Variants in NCOA4 observed in about 807,000 individuals in gnomAD.
NCOA4 encodes the protein nuclear receptor coactivator 4.
NCOA4 carries 31 observed loss-of-function variants against 69.5 expected under a neutral mutation model. That is an observed-to-expected ratio of 0.45 (90% CI 0.34 to 0.60). The LOEUF (loss-of-function observed/expected upper bound fraction) is 0.60. Among genes scored for constraint, NCOA4 ranks in the 20% least tolerant of loss-of-function variants. The pLI, the probability that NCOA4 is intolerant of heterozygous loss-of-function variation, is 0.02. For missense variants in NCOA4, 600 were observed against 719.2 expected (o/e 0.83, Z 1.90); for synonymous variants, 228 against 252.4 (o/e 0.90, Z 0.92).
Position 46,027,605 on chromosome 10 carries a change from A to T in NCOA4, c.-15+2921T>A, listed in dbSNP as rs189234332. 2.2e-4 allele frequency: 180 copies of T among 819,006 alleles called. 2 individuals are homozygous for T. The African/African-American group carries it at 3.0e-3, about 14-fold the overall frequency. The allele number at this position is 819,006 out of a possible 1,614,324, so 50.7% of individuals were successfully genotyped here. The stretch of plus-strand genomic sequence containing the variant: ...ACTAAAAAGTAGCAAGAAGAGTAAT[A>T]AAAAATGCCATGGCCTTCTACAGTT... On this transcript the variant is annotated intron_variant, in intron 1 of 9. Coordinates refer to ENST00000581486, the MANE Select transcript of NCOA4 (RefSeq NM_001145263.2).
intron 8 of NCOA4, 93 bp downstream of exon 8, chr10:46,010,130 T>A: frequency 6.9e-7 from 1 of 1,441,870 alleles, no homozygotes; most frequent in South Asian, 1.4e-5. Context: ...ATCGCACCAC[T>A]GCACTCCAGC....
chr10:46,018,470 G>A (rs1311375162), intron 1 of NCOA4, among the ~76,000 whole-genome samples: 1 of 152,168 alleles, frequency 6.6e-6, no homozygotes, highest in Non-Finnish European at 1.5e-5. Flanking sequence ...TTTGTCACAG[G>A]ATTAGCCTGT....
At position 46,005,729 on chromosome 10, in the gene NCOA4, AT is replaced by A; in HGVS notation, c.*862del. The A allele has an allele frequency of 4.6e-6, 1 of 216,544 alleles. No homozygotes were observed. Among genetic ancestry groups the A allele is most frequent in the Non-Finnish European group, 9.3e-6 (1 of 107,224 alleles). The allele number at this position is 216,544 out of a possible 1,614,324, so 13.4% of individuals were successfully genotyped here. On this transcript the variant is annotated 3_prime_UTR_variant, in exon 10 of 10. Transcript: ENST00000581486. Reference sequence around the variant, plus strand: ...GCACCAGGTGTCAAGCTCAGCTTCCATTTACACAGGATGCACCAATTATCCC... The same window carrying A: ...GCACCAGGTGTCAAGCTCAGCTTCCATTACACAGGATGCACCAATTATCCC...
intron 7 of NCOA4, among the ~76,000 whole-genome samples, 172 bp downstream of exon 7, chr10:46,012,711 T>C (rs1197171988): frequency 1.3e-5 from 2 of 152,178 alleles, no homozygotes; most frequent in African/African-American, 4.8e-5. Context: ...TTTAAAATTT[T>C]CTATGATAAA....
At position 46,014,453 on chromosome 10, in the gene NCOA4, G is replaced by A. The variant is rs1839415876; in HGVS notation, c.471C>T (p.Leu157=). 1 of 1,607,862 alleles carries A rather than the reference G, an allele frequency of 6.2e-7. No individual in the cohort carries two copies. The highest frequency in any genetic ancestry group is 8.5e-7 in the Non-Finnish European group (1 of 1,174,436). ...LRQTITTFGS[L]KTIQIPEHLM... ...ATATGAGATTACTCACAATGGTTTTGAGAGACCCAAATGTGGTGATGGTCT... is the reference window on the plus strand; with the variant it reads ...ATATGAGATTACTCACAATGGTTTTAAGAGACCCAAATGTGGTGATGGTCT... The change falls in exon 5 of 10, where the codon CTC becomes CTT. Residue 157 remains leucine (L), a synonymous_variant. Transcript: ENST00000581486.
chr10:46,021,688 G>A (rs907097277), intron 1 of NCOA4, among the ~76,000 whole-genome samples: 1 of 152,258 alleles, frequency 6.6e-6, no homozygotes, highest in Non-Finnish European at 1.5e-5. Context: ...GGCCGGGCGC[G>A]GTGACTCACG....
chr10:46,013,443 A>T, intron 6 of NCOA4, 107 bp downstream of exon 6: 1 of 757,738 alleles, frequency 1.3e-6, no homozygotes, highest in Non-Finnish European at 2.2e-6. Context: ...ACTCATTGCC[A>T]CTGGTGCCTT....
At position 46,006,573 on chromosome 10, in the gene NCOA4, T is replaced by TG; in HGVS notation, c.*18_*19insC. 10 of 1,613,890 alleles carry TG rather than the reference T, an allele frequency of 6.2e-6. No homozygotes were observed. Among genetic ancestry groups the TG allele is most frequent in the Non-Finnish European group, 8.5e-6 (10 of 1,179,874 alleles). ...GTGTGATAATCAGCAGAAAGGCTGC[T>TG]CAACTCTTGTCCATTCCTTCACATC... On this transcript the variant is annotated 3_prime_UTR_variant, in exon 10 of 10. Coordinates refer to ENST00000581486, the MANE Select transcript of NCOA4 (RefSeq NM_001145263.2).
At chr10:46,009,044 G>T in intron 9 of NCOA4, 2 of 873,474 alleles carry the variant, frequency 2.3e-6, no homozygotes, top group Admixed American at 2.6e-5. Context: ...ACTTTTATAT[G>T]CAATGGGAAA....
intron 1 of NCOA4, among the ~76,000 whole-genome samples, chr10:46,017,158 G>T (rs1010753665): frequency 3.3e-5 from 5 of 152,162 alleles, no homozygotes; most frequent in Admixed American, 1.3e-4. Flanking sequence ...ACTTTGTTTA[G>T]AAGACGGAAT....
Position 46,006,616 on chromosome 10 carries a change from AGAT to A in NCOA4, c.1840-22_1840-20del. 1.2e-6 allele frequency: 2 copies of A among 1,613,926 alleles called. No homozygotes were observed. Among genetic ancestry groups the A allele is most frequent in the Non-Finnish European group, 8.5e-7 (1 of 1,179,796 alleles). ...TTCACATCTGTAAAGAGACACCCAC[AGAT>A]GATAAGTTACTTCAATGAAGAATAA... On this transcript the variant is annotated intron_variant, in intron 9 of 9. Coordinates refer to ENST00000581486, the MANE Select transcript of NCOA4 (RefSeq NM_001145263.2).
In NCOA4 at chr10:46,016,664, T is replaced by C. The variant is rs1839571289; in HGVS notation, c.17A>G (p.Asp6Gly). MNTFQDQSGSSSNREP... is the reference protein window; with the variant it reads MNTFQGQSGSSSNREP... ...TCTATTACTGGAGCTGCCACTCTGG[T>C]CTTGGAAGGTATTCATTCTCCTCAC... The change falls in exon 2 of 10, where the codon GAC becomes GGC. Residue 6 changes from aspartate (D) to glycine (G), a missense_variant. By Grantham distance (94) the Asp-to-Gly change is moderately conservative. Coordinates refer to ENST00000581486, the MANE Select transcript of NCOA4 (RefSeq NM_001145263.2). 2 of 1,509,042 alleles carry C rather than the reference T, an allele frequency of 1.3e-6. No individual in the cohort carries two copies. The highest frequency in any genetic ancestry group is 2.7e-5 in the South Asian group (2 of 73,558). 93.5% of individuals were successfully genotyped at this position (1,509,042 alleles called of 1,614,324 possible). A position where few individuals can be genotyped will look rare whatever the true frequency, so the allele number is the denominator to read the frequency against.
intron 7 of NCOA4, among the ~76,000 whole-genome samples, chr10:46,012,096 A>T (rs1554921816): frequency 6.8e-6 from 1 of 147,022 alleles, no homozygotes; most frequent in Non-Finnish European, 1.5e-5. Flanking sequence ...AAAAAAAAAA[A>T]AAAAAAACGA....
chr10:46,016,703 G>GA lies in NCOA4; in HGVS notation c.-14-10dup, dbSNP rs782716952. The stretch of plus-strand genomic sequence containing the variant: ...CATTCTCCTCACTGCTCCTTTAAAA[G>GA]AAAAAAATATATATAAATAGCACCA... On this transcript the variant is annotated splice_polypyrimidine_tract_variant and intron_variant, in intron 1 of 9. Coordinates refer to ENST00000581486, the MANE Select transcript of NCOA4 (RefSeq NM_001145263.2). The GA allele has an allele frequency of 2.7e-5, 38 of 1,404,662 alleles. No individual in the cohort carries two copies. The highest frequency in any genetic ancestry group is 2.4e-4 in the Middle Eastern group (1 of 4,218). 87.0% of individuals were successfully genotyped at this position (1,404,662 alleles called of 1,614,324 possible). A position where few individuals can be genotyped will look rare whatever the true frequency, so the allele number is the denominator to read the frequency against.
At chr10:46,016,844 T>C in intron 1 of NCOA4, 150 bp from the exon 2 acceptor site, 1 of 449,650 alleles carries the variant, frequency 2.2e-6, no homozygotes, top group Non-Finnish European at 3.7e-6. Flanking sequence ...AAGATACTCT[T>C]AATAAATATT....
intron 7 of NCOA4, 56 bp downstream of exon 7, chr10:46,012,827 A>C: frequency 6.3e-7 from 1 of 1,591,852 alleles, no homozygotes; most frequent in South Asian, 1.1e-5. Flanking sequence ...ACTGATTAGT[A>C]ACTAACTCCA....
chr10:46,029,048 A>AG lies in NCOA4; in HGVS notation c.-15+1477dup, dbSNP rs1446765996. ...TACTGATTTAATAAAAAAAAAAAAA[A>AG]GGGGGGGGTGAGGGGTACTATGTAG... On this transcript the variant is annotated intron_variant, in intron 1 of 9. Transcript: ENST00000581486. 7.2e-4 allele frequency among the ~76,000 whole-genome samples: 101 copies of AG among 140,026 alleles called. 2 individuals are homozygous for AG. The highest frequency in any genetic ancestry group is 4.4e-3 in the South Asian group (17 of 3,890). 91.9% of individuals were successfully genotyped at this position (140,026 alleles called of 152,430 possible). A position where few individuals can be genotyped will look rare whatever the true frequency, so the allele number is the denominator to read the frequency against.
chr10:46,006,482 A>G lies in NCOA4; in HGVS notation c.*110T>C. On this transcript the variant is annotated 3_prime_UTR_variant, in exon 10 of 10. Coordinates refer to ENST00000581486, the MANE Select transcript of NCOA4 (RefSeq NM_001145263.2). ...TAGTTCAAAATTAGGCAGGAGAAGA[A>G]CTAAGCTAATTGGTCAGACCCAGAA... 1 of 1,232,964 alleles carries G rather than the reference A, an allele frequency of 8.1e-7. No individual in the cohort carries two copies. The highest frequency in any genetic ancestry group is 1.2e-5 in the South Asian group (1 of 83,242). 76.4% of individuals were successfully genotyped at this position (1,232,964 alleles called of 1,614,324 possible).
At position 46,005,268 on chromosome 10, in the gene NCOA4, GT is replaced by G; in HGVS notation, c.*1323del. 4.7e-6 allele frequency: 1 copy of G among 214,244 alleles called. No individual in the cohort carries two copies. 13.3% of individuals were successfully genotyped at this position (214,244 alleles called of 1,614,324 possible). On this transcript the variant is annotated 3_prime_UTR_variant, in exon 10 of 10. Transcript: ENST00000581486. ...GATAACTGGAAAGGCTCCTTACATT[GT>G]TTTTGCCCACCACCTTTATATAATA...
Sources: gnomAD v4.1 joint callset for allele counts (sites outside exome capture counted in the v4.1 genomes callset) on GRCh38, gnomAD v4.1.1 for gene constraint, MANE v1.5 for transcripts, NCBI Gene and HGNC (gene_info 2026-07-23, HGNC 2026-07-21) for gene names.